Variants in LRRC1 observed in about 807,000 individuals in gnomAD.
LRRC1 encodes leucine rich repeat containing 1, also known as leucine-rich repeat-containing protein 1.
LRRC1 carries 28 observed loss-of-function variants against 69.9 expected under a neutral mutation model. The ratio of observed to expected loss-of-function variants is 0.40; its 90% CI spans 0.30 to 0.55. The LOEUF is 0.55. Ranked by LOEUF, LRRC1 falls within the 20% of genes least tolerant of loss-of-function variation. The pLI, the probability that LRRC1 is intolerant of heterozygous loss-of-function variation, is 0.47. For missense variants in LRRC1, 498 were observed against 609.0 expected (o/e 0.82, Z 1.92); for synonymous variants, 236 against 240.2 (o/e 0.98, Z 0.16).
chr6:53,830,907 A>G (rs1765408121), intron 1 of LRRC1, among the ~76,000 whole-genome samples: 1 of 144,602 alleles, frequency 6.9e-6, no homozygotes, highest in Admixed American at 7.0e-5. Context: ...TTTTGCCATT[A>G]TCTTCAATGG....
rs1028044008 is a variant in LRRC1 at position 53,883,330 on chromosome 6, C to T, written c.446+354C>T. Among the ~76,000 whole-genome samples the T allele has an allele frequency of 5.3e-5, 8 of 152,154 alleles. No individual in the cohort carries two copies. The South Asian group carries it at 8.3e-4, about 16-fold the overall frequency. On this transcript the variant is annotated intron_variant, in intron 4 of 13. Transcript: ENST00000370888. ...GAAACAACCACTCAGTAATTTTAAA[C>T]CATGCTGGAGAGCCAACAAACAACT...
At chr6:53,873,891 G>A (rs918920653) in intron 2 of LRRC1, among the ~76,000 whole-genome samples, 3 of 152,146 alleles carry the variant, frequency 2.0e-5, no homozygotes, top group Non-Finnish European at 4.4e-5. Context: ...GTCATAAGTG[G>A]CCTTTATTGT....
intron 1 of LRRC1, among the ~76,000 whole-genome samples, chr6:53,838,627 T>A (rs4273680): frequency 0.37 from 56,784 of 152,106 alleles, 11,156 homozygotes; most frequent in East Asian, 0.68. Context: ...CAAGACTCTG[T>A]ACAATTGGCA....
At chr6:53,860,692 A>G (rs1398204157) in intron 2 of LRRC1, among the ~76,000 whole-genome samples, 3 of 152,144 alleles carry the variant, frequency 2.0e-5, no homozygotes, top group South Asian at 2.1e-4. Context: ...ATCCGCAACT[A>G]AACAAAACAG....
chr6:53,827,453 A>G (rs1765305285), intron 1 of LRRC1, among the ~76,000 whole-genome samples: 1 of 152,136 alleles, frequency 6.6e-6, no homozygotes, highest in Non-Finnish European at 1.5e-5. Flanking sequence ...CAGGGGGCTC[A>G]TTAATCTCTT....
chr6:53,828,037 A>T (rs368335692), intron 1 of LRRC1, among the ~76,000 whole-genome samples: 1 of 152,252 alleles, frequency 6.6e-6, no homozygotes, highest in Non-Finnish European at 1.5e-5. Context: ...TTATAGGCTT[A>T]CTTAAAGACT....
chr6:53,911,949 T>A (rs1768426005), intron 10 of LRRC1, among the ~76,000 whole-genome samples: 1 of 152,226 alleles, frequency 6.6e-6, no homozygotes, highest in Admixed American at 6.5e-5. Context: ...TGGGGCTTGA[T>A]GTTTCTAAAA....
At chr6:53,851,434 T>C (rs951431397) in intron 2 of LRRC1, among the ~76,000 whole-genome samples, 1 of 151,600 alleles carries the variant, frequency 6.6e-6, no homozygotes, top group African/African-American at 2.4e-5. Flanking sequence ...GATGATGTTC[T>C]AGCTCAAACA....
At chr6:53,813,536 G>GTTTTTT (rs373976626) in intron 1 of LRRC1, among the ~76,000 whole-genome samples, 6 of 123,666 alleles carry the variant, frequency 4.9e-5, no homozygotes, top group Admixed American at 1.8e-4. Context: ...TGGCTCAGTG[G>GTTTTTT]TTTTTTTTTT....
At chr6:53,902,176 C>T (rs576635898) in intron 8 of LRRC1, among the ~76,000 whole-genome samples, 7 of 152,272 alleles carry the variant, frequency 4.6e-5, no homozygotes, top group Non-Finnish European at 7.4e-5. Context: ...CAGAGGTTAC[C>T]GCTTTATTCT....
chr6:53,892,351 G>A (rs554733129), intron 4 of LRRC1, among the ~76,000 whole-genome samples: 7 of 152,020 alleles, frequency 4.6e-5, no homozygotes, highest in East Asian at 1.9e-4. Flanking sequence ...TTTTAAAATC[G>A]CATTTGTAAA....
At chr6:53,897,490 A>G (rs2127435903) in intron 7 of LRRC1, 131 bp downstream of exon 7, 1 of 611,364 alleles carries the variant, frequency 1.6e-6, no homozygotes, top group Non-Finnish European at 2.7e-6. Flanking sequence ...GAAAAGGCAC[A>G]TTTGGAAAAA....
At position 53,795,425 on chromosome 6, in the gene LRRC1, C is replaced by T. The variant is rs1279088530; in HGVS notation, c.159+10C>T. The T allele has an allele frequency of 5.0e-6, 8 of 1,607,000 alleles. No individual in the cohort carries two copies. The African/African-American group carries it at 5.3e-5, about 11-fold the overall frequency. ...CCGCGAGCTGCCCGAGGTAAGGGTCCGGCCTCACCTGAGCGCTCTGCCCGC... is the reference window on the plus strand; with the variant it reads ...CCGCGAGCTGCCCGAGGTAAGGGTCTGGCCTCACCTGAGCGCTCTGCCCGC... On this transcript the variant is annotated intron_variant, in intron 1 of 13. Coordinates refer to ENST00000370888, the MANE Select transcript of LRRC1 (RefSeq NM_018214.5).
intron 4 of LRRC1, among the ~76,000 whole-genome samples, chr6:53,891,691 T>G (rs1368880347): frequency 6.6e-6 from 1 of 152,020 alleles, no homozygotes; most frequent in Non-Finnish European, 1.5e-5. Flanking sequence ...GTTGTAAATA[T>G]ATATAAATTG....
intron 2 of LRRC1, among the ~76,000 whole-genome samples, chr6:53,854,220 C>T (rs192195816): frequency 2.2e-4 from 33 of 152,248 alleles, no homozygotes; most frequent in African/African-American, 6.5e-4. Context: ...TATAGAGTAG[C>T]GTTAATTCAG....
intron 8 of LRRC1, among the ~76,000 whole-genome samples, chr6:53,901,141 G>A (rs1253069919): frequency 6.6e-6 from 1 of 152,178 alleles, no homozygotes; most frequent in East Asian, 1.9e-4. Context: ...CTTGGAATAG[G>A]AAGCAGCAGC....
At chr6:53,862,880 T>G (rs968200656) in intron 2 of LRRC1, among the ~76,000 whole-genome samples, 1 of 152,236 alleles carries the variant, frequency 6.6e-6, no homozygotes, top group South Asian at 2.1e-4. Flanking sequence ...AAATGCAGAC[T>G]TGGCTCATGG....
At chr6:53,859,115 C>T (rs1414768936) in intron 2 of LRRC1, among the ~76,000 whole-genome samples, 5 of 152,136 alleles carry the variant, frequency 3.3e-5, no homozygotes, top group Non-Finnish European at 5.9e-5. Context: ...TCCCTAGAGA[C>T]ATTCAAACCA....
rs869246243 is a variant in LRRC1 at position 53,900,020 on chromosome 6, GTTTTTTTTTT to G, written c.787+153_787+162del. ...TGTGGCTCCTTAAAGTCTCCTTACTGTTTTTTTTTTTTTTTTTTTTTTTTTTTTTTTTTCT... is the reference window on the plus strand; with the variant it reads ...TGTGGCTCCTTAAAGTCTCCTTACTGTTTTTTTTTTTTTTTTTTTTTTTCT... On this transcript the variant is annotated intron_variant, in intron 8 of 13. Transcript: ENST00000370888. 1,234 of 189,976 alleles carry G rather than the reference GTTTTTTTTTT, an allele frequency of 6.5e-3. 3 individuals are homozygous for G. The highest frequency in any genetic ancestry group is 0.015 in the Middle Eastern group (9 of 590). 11.8% of individuals were successfully genotyped at this position (189,976 alleles called of 1,614,324 possible).
Sources: allele counts gnomAD v4.1 joint callset (sites outside exome capture counted in the v4.1 genomes callset), GRCh38; gene constraint gnomAD v4.1.1; transcripts MANE v1.5; gene names NCBI Gene and HGNC (gene_info 2026-07-23, HGNC 2026-07-21).